Variants in USP6NL observed in about 807,000 individuals in gnomAD.
The protein encoded by USP6NL is USP6 N-terminal-like protein.
USP6NL carries 26 observed loss-of-function variants against 61.9 expected under a neutral mutation model. The observed-to-expected ratio is 0.42, with a 90% CI of 0.31 to 0.58. USP6NL has a LOEUF of 0.58. Among genes scored for constraint, USP6NL ranks in the 20% least tolerant of loss-of-function variants. The probability of loss-of-function intolerance (pLI) is 0.16; values close to 1 mark genes in which losing one functional copy is unlikely to be tolerated. For missense variants in USP6NL, 1,114 were observed against 1,034.3 expected (o/e 1.08, Z -1.06); for synonymous variants, 432 against 390.1 (o/e 1.11, Z -1.27).
At chr10:11,494,320 C>T (rs1833822858) in intron 7 of USP6NL, among the ~76,000 whole-genome samples, 2 of 152,060 alleles carry the variant, frequency 1.3e-5, no homozygotes, top group African/African-American at 4.8e-5. Flanking sequence ...TATTTTTATC[C>T]ACAGGGTTGG....
rs1468680126 is a variant in USP6NL at position 11,553,850 on chromosome 10, C to T, written c.5-26283G>A. ...GGCAGAGGATGCAGTGAGCCGAGATCGTGCCACTCCAGCCTGGGCAACAGA... is the reference window on the plus strand; with the variant it reads ...GGCAGAGGATGCAGTGAGCCGAGATTGTGCCACTCCAGCCTGGGCAACAGA... On this transcript the variant is annotated intron_variant, in intron 2 of 14. Transcript: ENST00000609104. The surrounding 1 kb of genome is among the most constrained non-coding windows in gnomAD (Gnocchi z 4.8). 6.6e-6 allele frequency among the ~76,000 whole-genome samples: 1 copy of T among 150,502 alleles called. No individual in the cohort carries two copies. The highest frequency in any genetic ancestry group is 2.0e-4 in the East Asian group (1 of 5,094).
At chr10:11,507,685 A>AT (rs1319923021) in intron 6 of USP6NL, among the ~76,000 whole-genome samples, 1 of 151,676 alleles carries the variant, frequency 6.6e-6, no homozygotes, top group South Asian at 2.1e-4. Flanking sequence ...ATCTTGCTTA[A>AT]TTTTTTTTTA....
Position 11,491,956 on chromosome 10 carries a change from T to A in USP6NL, c.495-1076A>T, listed in dbSNP as rs1833724205. 1.3e-5 allele frequency among the ~76,000 whole-genome samples: 2 copies of A among 152,222 alleles called. No homozygotes were observed. The highest frequency in any genetic ancestry group is 4.1e-4 in the South Asian group (2 of 4,826). On this transcript the variant is annotated intron_variant, in intron 8 of 14. Transcript: ENST00000609104. This position sits in a 1 kb window ranked among gnomAD's most constrained non-coding sequence, Gnocchi z 4.7. ...AATTATTATGAGTATTTCTTCCTTA[T>A]TTTTTTGTAAATGTGCTTGTATATA...
chr10:11,579,955 G>T (rs908439375), intron 2 of USP6NL, among the ~76,000 whole-genome samples: 1 of 145,208 alleles, frequency 6.9e-6, no homozygotes, highest in Non-Finnish European at 1.5e-5. Flanking sequence ...ACCACCAGTG[G>T]AGAGTGGCGG....
chr10:11,515,206 A>G (rs1834903914), intron 5 of USP6NL, among the ~76,000 whole-genome samples: 2 of 152,234 alleles, frequency 1.3e-5, no homozygotes, highest in Admixed American at 1.3e-4. Flanking sequence ...AATCATCTAC[A>G]TAGCTTTGTC....
chr10:11,569,811 CA>C (rs1336238665), intron 2 of USP6NL, among the ~76,000 whole-genome samples: 2 of 152,184 alleles, frequency 1.3e-5, no homozygotes, highest in Admixed American at 6.5e-5. Context: ...AAAGCTATTT[CA>C]GACAGCAATG....
At chr10:11,601,303 T>C (rs1838522587) in intron 1 of USP6NL, among the ~76,000 whole-genome samples, 1 of 152,150 alleles carries the variant, frequency 6.6e-6, no homozygotes, top group Non-Finnish European at 1.5e-5. Context: ...ATATGTATAA[T>C]TAACAATACG....
intron 6 of USP6NL, among the ~76,000 whole-genome samples, chr10:11,507,778 C>G (rs993832360): frequency 6.6e-6 from 1 of 152,124 alleles, no homozygotes; most frequent in Non-Finnish European, 1.5e-5. Context: ...GCATACTAAA[C>G]GCCTGGCACT....
chr10:11,560,729 T>C (rs1414629959), intron 2 of USP6NL, among the ~76,000 whole-genome samples: 3 of 147,092 alleles, frequency 2.0e-5, no homozygotes, highest in Non-Finnish European at 4.5e-5. Flanking sequence ...TATATATATA[T>C]ATATATTCAA....
In USP6NL at chr10:11,597,280, C is replaced by T. The variant is rs375122379; in HGVS notation, c.4+351G>A. On this transcript the variant is annotated intron_variant, in intron 2 of 14. Transcript: ENST00000609104. This position sits in a 1 kb window ranked among gnomAD's most constrained non-coding sequence, Gnocchi z 4.6. ...CATGTTACTCAATGATTAAATTTCA[C>T]ACAATAAAATCTCTACTAATTATGG... is the stretch of plus-strand genomic sequence containing the variant. Among the ~76,000 whole-genome samples, 37 of 152,206 alleles carry T rather than the reference C, an allele frequency of 2.4e-4. No homozygotes were observed. The highest frequency in any genetic ancestry group is 7.5e-4 in the African/African-American group (31 of 41,516).
At chr10:11,580,156 C>T (rs569871263) in intron 2 of USP6NL, among the ~76,000 whole-genome samples, 189 of 152,308 alleles carry the variant, frequency 1.2e-3, no homozygotes, top group African/African-American at 4.4e-3. Flanking sequence ...CCATGTCCCT[C>T]ATGGATGGTG....
chr10:11,528,128 G>GACACAC lies in USP6NL; in HGVS notation c.5-567_5-562dup, dbSNP rs142649349. Among the ~76,000 whole-genome samples the GACACAC allele has an allele frequency of 0.063, 9,016 of 142,188 alleles. 328 individuals are homozygous for GACACAC. The highest frequency in any genetic ancestry group is 0.17 in the South Asian group (749 of 4,426). 93.3% of individuals were successfully genotyped at this position (142,188 alleles called of 152,430 possible). On this transcript the variant is annotated intron_variant, in intron 2 of 14. Coordinates refer to ENST00000609104, the MANE Select transcript of USP6NL (RefSeq NM_014688.5). The surrounding 1 kb of genome is among the most constrained non-coding windows in gnomAD (Gnocchi z 4.6). ...ACATATGTGTGTGGACACACACACAGACACACACACACACACACACACACA... is the reference window on the plus strand; with the variant it reads ...ACATATGTGTGTGGACACACACACAGACACACACACACACACACACACACACACACA...
Position 11,587,085 on chromosome 10 carries a change from A to C in USP6NL, c.4+10546T>G, listed in dbSNP as rs1161005008. On this transcript the variant is annotated intron_variant, in intron 2 of 14. Transcript: ENST00000609104. This position sits in a 1 kb window ranked among gnomAD's most constrained non-coding sequence, Gnocchi z 4.5. ...TACTGGCTCAATGTCTGGCTTTCCCACCAGTTCCATGATCTACAAGGCCAA... is the reference window on the plus strand; with the variant it reads ...TACTGGCTCAATGTCTGGCTTTCCCCCCAGTTCCATGATCTACAAGGCCAA... 6.6e-6 allele frequency among the ~76,000 whole-genome samples: 1 copy of C among 152,054 alleles called. No homozygotes were observed. Among genetic ancestry groups the C allele is most frequent in the East Asian group, 1.9e-4 (1 of 5,196 alleles).
chr10:11,596,474 A>T lies in USP6NL; in HGVS notation c.4+1157T>A, dbSNP rs975511254. Among the ~76,000 whole-genome samples, 4 of 152,024 alleles carry T rather than the reference A, an allele frequency of 2.6e-5. No individual in the cohort carries two copies. Among genetic ancestry groups the T allele is most frequent in the African/African-American group, 9.7e-5 (4 of 41,384 alleles). ...GTCTCTACTAAAAATACAAAAAAAA[A>T]TTAGCTGGGCCTGGTGGCGGGCGCC... is the stretch of plus-strand genomic sequence containing the variant. On this transcript the variant is annotated intron_variant, in intron 2 of 14. Coordinates refer to ENST00000609104, the MANE Select transcript of USP6NL (RefSeq NM_014688.5). This position sits in a 1 kb window ranked among gnomAD's most constrained non-coding sequence, Gnocchi z 4.1.
chr10:11,485,124 T>C lies in USP6NL; in HGVS notation c.825+45A>G. On this transcript the variant is annotated intron_variant, in intron 12 of 14. Transcript: ENST00000609104. This position sits in a 1 kb window ranked among gnomAD's most constrained non-coding sequence, Gnocchi z 4.8. Reference sequence around the variant, plus strand: ...ATAGGGTTAACAGCTTCCCCTCACCTTGTATTTATAATTTTATGACTGAGT... The same window carrying C: ...ATAGGGTTAACAGCTTCCCCTCACCCTGTATTTATAATTTTATGACTGAGT... 2 of 1,536,392 alleles carry C rather than the reference T, an allele frequency of 1.3e-6. No homozygotes were observed. The highest frequency in any genetic ancestry group is 2.1e-5 in the Admixed American group (1 of 47,508).
chr10:11,598,474 CTTAA>C lies in USP6NL; in HGVS notation c.-83-761_-83-758del, dbSNP rs1178835634. Among the ~76,000 whole-genome samples the C allele has an allele frequency of 7.2e-5, 11 of 152,000 alleles. No individual in the cohort carries two copies. The highest frequency in any genetic ancestry group is 1.5e-4 in the Non-Finnish European group (10 of 68,000). On this transcript the variant is annotated intron_variant, in intron 1 of 14. Transcript: ENST00000609104. This position sits in a 1 kb window ranked among gnomAD's most constrained non-coding sequence, Gnocchi z 4.7. Reference sequence around the variant, plus strand: ...AGATTTACTTTATAAATCTTCCTTTCTTAATTACTGTATTTCTAAAATATTAATA... The same window carrying C: ...AGATTTACTTTATAAATCTTCCTTTCTTACTGTATTTCTAAAATATTAATA...
chr10:11,493,916 A>C (rs895742342), intron 7 of USP6NL, among the ~76,000 whole-genome samples: 6 of 152,220 alleles, frequency 3.9e-5, no homozygotes, highest in Admixed American at 3.9e-4. Flanking sequence ...CCTGCTGCAC[A>C]GCTCAGGTCT....
At position 11,511,995 on chromosome 10, in the gene USP6NL, T is replaced by A. The variant is rs1424841151; in HGVS notation, c.196-2320A>T. Among the ~76,000 whole-genome samples, 1 of 152,136 alleles carries A rather than the reference T, an allele frequency of 6.6e-6. No homozygotes were observed. The highest frequency in any genetic ancestry group is 6.5e-5 in the Admixed American group (1 of 15,270). ...CCCCCAATCATGAATCTATAATTCA[T>A]AGATGAAATATACTTTCTCACCAAA... On this transcript the variant is annotated intron_variant, in intron 5 of 14. Transcript: ENST00000609104. This position sits in a 1 kb window ranked among gnomAD's most constrained non-coding sequence, Gnocchi z 4.9.
chr10:11,611,493 T>C lies in USP6NL; in HGVS notation c.-134A>G, dbSNP rs1838900259. 2 of 159,432 alleles carry C rather than the reference T, an allele frequency of 1.3e-5. 1 individual carries two copies. The highest frequency in any genetic ancestry group is 2.7e-5 in the Non-Finnish European group (2 of 73,478). The allele number at this position is 159,432 out of a possible 1,614,324, so 9.9% of individuals were successfully genotyped here. The stretch of plus-strand genomic sequence containing the variant: ...TGTGGGCAGCGGACAGAGCTGGCGG[T>C]CCCGGGCGGCCGAGCAGATCCGGCG... On this transcript the variant is annotated 5_prime_UTR_variant, in exon 1 of 15. Coordinates refer to ENST00000609104, the MANE Select transcript of USP6NL (RefSeq NM_014688.5). This position sits in a 1 kb window ranked among gnomAD's most constrained non-coding sequence, Gnocchi z 5.3.
Sources: allele counts gnomAD v4.1 joint callset (sites outside exome capture counted in the v4.1 genomes callset), GRCh38; gene constraint gnomAD v4.1.1; non-coding constraint Gnocchi (gnomAD v3.1); transcripts MANE v1.5; gene names NCBI Gene and HGNC (gene_info 2026-07-23, HGNC 2026-07-21).